Variants in MINDY4B observed in about 807,000 individuals in gnomAD.
MINDY4B encodes the protein MINDY family member 4B, also known as inactive ubiquitin carboxyl-terminal hydrolase MINDY-4B.
In MINDY4B, 25 loss-of-function variants were observed where a neutral mutation model predicts 16.7. The observed-to-expected ratio is 1.49, with a 90% CI of 1.09 to 2.09. The LOEUF (loss-of-function observed/expected upper bound fraction) is 2.09. MINDY4B is among the 30% of genes most tolerant of loss of function. The probability of loss-of-function intolerance (pLI) is 0.00; values close to 1 mark genes in which losing one functional copy is unlikely to be tolerated. For synonymous variants in MINDY4B, 132 were observed against 61.9 expected (o/e 2.13, Z -5.32); for missense variants, 327 against 168.4 (o/e 1.94, Z -5.21).
Position 150,893,424 on chromosome 3 carries a change from A to C in MINDY4B, c.430-9T>G, listed in dbSNP as rs1369687302. ...ATGCTTCGGGCCCCTCCCTGAAATG[A>C]GGAGAATGAATGACGAGGTGAAGAA... On this transcript the variant is annotated splice_polypyrimidine_tract_variant and intron_variant, in intron 4 of 11. Coordinates refer to ENST00000465419, the MANE Select transcript of MINDY4B (RefSeq NM_001351281.2). 10 of 702,582 alleles carry C rather than the reference A, an allele frequency of 1.4e-5. No homozygotes were observed. Among genetic ancestry groups the C allele is most frequent in the Non-Finnish European group, 2.3e-5 (9 of 384,816 alleles). The allele number at this position is 702,582 out of a possible 1,614,324, so 43.5% of individuals were successfully genotyped here. A position where few individuals can be genotyped will look rare whatever the true frequency, so the allele number is the denominator to read the frequency against.
At chr3:150,897,538 G>T (rs1048421381) in intron 3 of MINDY4B, among the ~76,000 whole-genome samples, 1 of 152,174 alleles carries the variant, frequency 6.6e-6, no homozygotes. Context: ...TCCCAGCTGT[G>T]CATGGAGCAG....
intron 3 of MINDY4B, among the ~76,000 whole-genome samples, chr3:150,896,439 A>AG (rs903634053): frequency 2.6e-5 from 4 of 152,134 alleles, no homozygotes; most frequent in South Asian, 2.1e-4. Context: ...TGGTGGGGGA[A>AG]GGGGGGCATT....
chr3:150,877,428 C>G (rs1166576615), intron 10 of MINDY4B, among the ~76,000 whole-genome samples: 1 of 152,190 alleles, frequency 6.6e-6, no homozygotes, highest in African/African-American at 2.4e-5. Flanking sequence ...CCAATCCGGT[C>G]ATACTTAGAG....
At position 150,886,562 on chromosome 3, in the gene MINDY4B, C is replaced by T. The variant is rs182472666; in HGVS notation, c.754-1124G>A. 3.9e-4 allele frequency among the ~76,000 whole-genome samples: 59 copies of T among 152,278 alleles called. No individual in the cohort carries two copies. In the East Asian group the frequency reaches 6.8e-3, roughly 17 times the overall value. On this transcript the variant is annotated intron_variant, in intron 7 of 11. Transcript: ENST00000465419. The stretch of plus-strand genomic sequence containing the variant: ...AAACAACACGAATTTATTATCTCAC[C>T]GTTCTGGAGGTTAAAAGTCCAATAT...
intron 10 of MINDY4B, among the ~76,000 whole-genome samples, chr3:150,878,304 A>T (rs558406165): frequency 6.6e-6 from 1 of 152,366 alleles, no homozygotes; most frequent in East Asian, 1.9e-4. Context: ...CTGTATAATG[A>T]GCTGATATGA....
intron 3 of MINDY4B, among the ~76,000 whole-genome samples, chr3:150,894,860 T>C (rs181728060): frequency 1.6e-3 from 240 of 152,346 alleles, no homozygotes; most frequent in African/African-American, 5.5e-3. Context: ...TCATTTAGCA[T>C]GTACTCGATC....
intron 6 of MINDY4B, 58 bp downstream of exon 6, chr3:150,890,880 T>C (rs1462775377): frequency 1.4e-6 from 1 of 691,834 alleles, no homozygotes; most frequent in Non-Finnish European, 2.7e-6. Context: ...GGTAAGTCTA[T>C]TACATGCTCA....
At chr3:150,872,707 T>C (rs1454604969) in intron 11 of MINDY4B, among the ~76,000 whole-genome samples, 1 of 152,282 alleles carries the variant, frequency 6.6e-6, no homozygotes, top group East Asian at 1.9e-4. Flanking sequence ...TGGCACAGAG[T>C]AGGCCCTCAA....
At position 150,881,156 on chromosome 3, in the gene MINDY4B, G is replaced by C. The variant is rs546411163; in HGVS notation, c.1059+1741C>G. On this transcript the variant is annotated intron_variant, in intron 10 of 11. Transcript: ENST00000465419. The stretch of plus-strand genomic sequence containing the variant: ...CCAGCACTTTGGGAGGCTGAGGTGG[G>C]TGGATAAATTGAGATCAGGAGTTTG... Among the ~76,000 whole-genome samples, 443 of 152,292 alleles carry C rather than the reference G, an allele frequency of 2.9e-3. 1 individual carries two copies. Among genetic ancestry groups the C allele is most frequent in the African/African-American group, 0.01 (431 of 41,546 alleles).
At chr3:150,872,661 G>T (rs983435455) in intron 11 of MINDY4B, among the ~76,000 whole-genome samples, 1 of 152,182 alleles carries the variant, frequency 6.6e-6, no homozygotes, top group African/African-American at 2.4e-5. Context: ...GACCTGTGCC[G>T]CATTCACCAG....
chr3:150,887,677 A>G (rs1711661729), intron 7 of MINDY4B, among the ~76,000 whole-genome samples: 1 of 152,250 alleles, frequency 6.6e-6, no homozygotes, highest in African/African-American at 2.4e-5. Flanking sequence ...ACTGTAGGCT[A>G]ATGCTGCAGA....
intron 10 of MINDY4B, among the ~76,000 whole-genome samples, chr3:150,875,702 C>T (rs978524399): frequency 2.0e-5 from 3 of 152,164 alleles, no homozygotes; most frequent in African/African-American, 7.2e-5. Flanking sequence ...CAAAAGTGGC[C>T]TTACAGAGCT....
At chr3:150,873,885 T>G (rs1717026869) in intron 10 of MINDY4B, among the ~76,000 whole-genome samples, 1 of 151,948 alleles carries the variant, frequency 6.6e-6, no homozygotes, top group Non-Finnish European at 1.5e-5. Context: ...GGGAAACACA[T>G]ACACACATCA....
chr3:150,891,761 C>CAAAAAAAAA (rs35565267), intron 5 of MINDY4B, among the ~76,000 whole-genome samples: 1 of 68,676 alleles, frequency 1.5e-5, no homozygotes, highest in East Asian at 4.0e-4. Context: ...GACTCCATCT[C>CAAAAAAAAA]AAAAAAAAAA....
Position 150,902,825 on chromosome 3 carries a change from A to G in MINDY4B, c.309+424T>C, listed in dbSNP as rs144661425. ...TTGAGATTAGCTACCTGCCCAGGAC[A>G]TGGCCTGACAAGTTTCCCCAGCTCT... On this transcript the variant is annotated intron_variant, in intron 3 of 11. Transcript: ENST00000465419. Among the ~76,000 whole-genome samples, 1,501 of 152,330 alleles carry G rather than the reference A, an allele frequency of 9.9e-3. 19 individuals carry two copies. The highest frequency in any genetic ancestry group is 0.034 in the African/African-American group (1,393 of 41,558).
rs9681173 is a variant in MINDY4B at position 150,893,698 on chromosome 3, G to C, written c.430-283C>G. On this transcript the variant is annotated intron_variant, in intron 4 of 11. Transcript: ENST00000465419. Reference sequence around the variant, plus strand: ...CCTGCTTCATAGTAGTTTTTTTTTGGGGGGGGGGGTGGGGTGCAGTCTTGC... The same window carrying C: ...CCTGCTTCATAGTAGTTTTTTTTTGCGGGGGGGGGTGGGGTGCAGTCTTGC... 2.5e-4 allele frequency among the ~76,000 whole-genome samples: 13 copies of C among 52,372 alleles called. No individual in the cohort carries two copies. The South Asian group carries it at 7.1e-3, about 29-fold the overall frequency. 34.4% of individuals were successfully genotyped at this position (52,372 alleles called of 152,430 possible).
At chr3:150,883,860 A>G (rs1711564971) in intron 8 of MINDY4B, 88 bp from the exon 9 acceptor site, 1 of 685,462 alleles carries the variant, frequency 1.5e-6, no homozygotes, top group Non-Finnish European at 2.7e-6. Flanking sequence ...ACAAAGCAGC[A>G]GTAACACGGG....
rs1402195845 is a variant in MINDY4B, at chr3:150,890,396, G to A, written c.688-11C>T. 1 of 616,572 alleles carries A rather than the reference G, an allele frequency of 1.6e-6. No individual in the cohort carries two copies. Among genetic ancestry groups the A allele is most frequent in the Non-Finnish European group, 2.8e-6 (1 of 351,302 alleles). 38.2% of individuals were successfully genotyped at this position (616,572 alleles called of 1,614,324 possible). ...TTCAAACAGCTGGAGCTATAAATCA[G>A]GAACAGAAGATAAAAATGAAAAGGA... On this transcript the variant is annotated splice_polypyrimidine_tract_variant and intron_variant, in intron 6 of 11. Transcript: ENST00000465419.
intron 3 of MINDY4B, among the ~76,000 whole-genome samples, chr3:150,894,817 A>G (rs1711916841): frequency 6.6e-6 from 1 of 152,246 alleles, no homozygotes; most frequent in South Asian, 2.1e-4. Flanking sequence ...GTATGAAAAA[A>G]AGGGAATCTA....
Sources: allele counts gnomAD v4.1 joint callset (sites outside exome capture counted in the v4.1 genomes callset), GRCh38; gene constraint gnomAD v4.1.1; transcripts MANE v1.5; gene names NCBI Gene and HGNC (gene_info 2026-07-23, HGNC 2026-07-21).